The following MEIS1 variants were observed in gnomAD, a reference collection of about 807,000 sequenced individuals.
MEIS1 encodes the protein Meis homeobox 1.
In MEIS1, 5 loss-of-function variants were observed where a neutral mutation model predicts 50.8. That is an observed-to-expected ratio of 0.10 (90% CI 0.05 to 0.21). The LOEUF is 0.21. Ranked by LOEUF, MEIS1 falls within the 10% of genes least tolerant of loss-of-function variation. The pLI, the probability that MEIS1 is intolerant of heterozygous loss-of-function variation, is 1.00. For synonymous variants in MEIS1, 176 were observed against 179.3 expected (o/e 0.98, Z 0.15); for missense variants, 318 against 517.3 (o/e 0.61, Z 3.74).
intron 7 of MEIS1, among the ~76,000 whole-genome samples, chr2:66,508,555 T>A (rs1673741829): frequency 2.0e-5 from 3 of 152,224 alleles, no homozygotes; most frequent in Non-Finnish European, 4.4e-5. Context: ...GTGCGGCCTG[T>A]GTGTGCGCAG....
chr2:66,546,566 C>A (rs918742631), intron 8 of MEIS1, among the ~76,000 whole-genome samples: 1 of 152,144 alleles, frequency 6.6e-6, no homozygotes, highest in Non-Finnish European at 1.5e-5. Context: ...TGGCCAGTTT[C>A]CTCACCTGTA....
chr2:66,547,124 T>C (rs1481061641), intron 8 of MEIS1, among the ~76,000 whole-genome samples: 2 of 152,210 alleles, frequency 1.3e-5, no homozygotes, highest in African/African-American at 4.8e-5. Flanking sequence ...TTTAGAAATA[T>C]GTATTTCAAA....
intron 8 of MEIS1, among the ~76,000 whole-genome samples, chr2:66,535,300 A>C (rs577098366): frequency 1.3e-5 from 2 of 152,318 alleles, no homozygotes; most frequent in Admixed American, 6.5e-5. Flanking sequence ...GTGAGGTTCA[A>C]ACTTGGCAAA....
intron 9 of MEIS1, among the ~76,000 whole-genome samples, chr2:66,559,379 G>A (rs915471567): frequency 7.9e-5 from 12 of 152,128 alleles, no homozygotes; most frequent in Admixed American, 6.6e-5. Flanking sequence ...ACTCTCAAAC[G>A]TGTCCCAGTT....
In MEIS1 at chr2:66,571,833, G is replaced by T; in HGVS notation, c.*625G>T. On this transcript the variant is annotated 3_prime_UTR_variant, in exon 13 of 13. Coordinates refer to ENST00000272369, the MANE Select transcript of MEIS1 (RefSeq NM_002398.3). Reference sequence around the variant, plus strand: ...TGTGAAATTTTTCCACACTATGTGTGTTGTTTCCATAGCTCTTCACTTCCT... The same window carrying T: ...TGTGAAATTTTTCCACACTATGTGTTTTGTTTCCATAGCTCTTCACTTCCT... 1 of 317,230 alleles carries T rather than the reference G, an allele frequency of 3.2e-6. No individual in the cohort carries two copies. The highest frequency in any genetic ancestry group is 5.8e-6 in the Non-Finnish European group (1 of 173,696). 19.7% of individuals were successfully genotyped at this position (317,230 alleles called of 1,614,324 possible). A position where few individuals can be genotyped will look rare whatever the true frequency, so the allele number is the denominator to read the frequency against.
intron 8 of MEIS1, among the ~76,000 whole-genome samples, chr2:66,513,632 C>T (rs1673886556): frequency 6.6e-6 from 1 of 152,026 alleles, no homozygotes; most frequent in African/African-American, 2.4e-5. Context: ...TCTCTTCTTC[C>T]CATAATAATT....
At chr2:66,568,562 A>C in intron 10 of MEIS1, 105 bp from the exon 11 acceptor site, 4 of 828,224 alleles carry the variant, frequency 4.8e-6, no homozygotes, top group South Asian at 2.8e-5. Context: ...CTAGCCTGCT[A>C]TGTTCTGTCT....
At chr2:66,548,530 C>G (rs758596434) in intron 9 of MEIS1, among the ~76,000 whole-genome samples, 1 of 152,078 alleles carries the variant, frequency 6.6e-6, no homozygotes, top group Non-Finnish European at 1.5e-5. Flanking sequence ...GAGGCTATTC[C>G]AAACCTGAGG....
At chr2:66,473,397 A>AAAAAAAAATATATATATATATAT in intron 7 of MEIS1, among the ~76,000 whole-genome samples, 1 of 107,612 alleles carries the variant, frequency 9.3e-6, no homozygotes, top group African/African-American at 5.8e-5. Context: ...AAAAAAAAAA[A>AAAAAAAAATATATATATATATAT]ATATATATAT....
intron 7 of MEIS1, among the ~76,000 whole-genome samples, chr2:66,495,088 T>C (rs1328110218): frequency 3.4e-5 from 5 of 147,880 alleles, no homozygotes; most frequent in South Asian, 4.4e-4. Flanking sequence ...ACCTTTTTTT[T>C]TTTTTTTTTT....
At chr2:66,515,220 C>CT (rs1358632389) in intron 8 of MEIS1, among the ~76,000 whole-genome samples, 1 of 152,094 alleles carries the variant, frequency 6.6e-6, no homozygotes, top group Non-Finnish European at 1.5e-5. Context: ...GTAAACTAGT[C>CT]TTTTTTTAAA....
At chr2:66,525,640 A>G (rs891470131) in intron 8 of MEIS1, among the ~76,000 whole-genome samples, 2 of 152,198 alleles carry the variant, frequency 1.3e-5, no homozygotes, top group South Asian at 4.1e-4. Flanking sequence ...TCCCTCAAGT[A>G]CTCTGAAAGC....
At chr2:66,498,644 T>C (rs1673469703) in intron 7 of MEIS1, among the ~76,000 whole-genome samples, 1 of 152,208 alleles carries the variant, frequency 6.6e-6, no homozygotes, top group Non-Finnish European at 1.5e-5. Flanking sequence ...GTCCCATTCT[T>C]GTCCAGTGGG....
At chr2:66,526,876 C>T (rs893098801) in intron 8 of MEIS1, among the ~76,000 whole-genome samples, 1 of 152,168 alleles carries the variant, frequency 6.6e-6, no homozygotes, top group Non-Finnish European at 1.5e-5. Context: ...ATTTACTTCT[C>T]TCATTGAGCC....
chr2:66,451,199 A>G (rs900128623), intron 6 of MEIS1, among the ~76,000 whole-genome samples: 2 of 152,146 alleles, frequency 1.3e-5, no homozygotes, highest in Non-Finnish European at 2.9e-5. Flanking sequence ...ATAAAGATTA[A>G]TATTAGCCCC....
chr2:66,553,086 C>G (rs539007769), intron 9 of MEIS1, among the ~76,000 whole-genome samples: 9 of 152,228 alleles, frequency 5.9e-5, no homozygotes, highest in Middle Eastern at 3.4e-3. Context: ...CTCTGGGTCA[C>G]TTGTTTGCTA....
At chr2:66,504,618 A>G (rs1673643895) in intron 7 of MEIS1, among the ~76,000 whole-genome samples, 1 of 152,194 alleles carries the variant, frequency 6.6e-6, no homozygotes, top group South Asian at 2.1e-4. Context: ...TGTGGAGCCA[A>G]CTTTAGGAAG....
At chr2:66,442,280 A>C (rs931116926) in intron 5 of MEIS1, among the ~76,000 whole-genome samples, 145 of 151,574 alleles carry the variant, frequency 9.6e-4, no homozygotes, top group East Asian at 9.3e-3. Flanking sequence ...TAAAAAAAAA[A>C]AAAAAAAAAA....
At chr2:66,511,127 A>C (rs1400232463) in intron 7 of MEIS1, among the ~76,000 whole-genome samples, 1 of 152,158 alleles carries the variant, frequency 6.6e-6, no homozygotes, top group Non-Finnish European at 1.5e-5. Flanking sequence ...TTTTAGTGTA[A>C]TGGGTCTTGT....
Sources: allele counts gnomAD v4.1 joint callset (sites outside exome capture counted in the v4.1 genomes callset), GRCh38; gene constraint gnomAD v4.1.1; transcripts MANE v1.5; gene names NCBI Gene and HGNC (gene_info 2026-07-23, HGNC 2026-07-21).